NKD1: variants seen among roughly 807,000 people sequenced by gnomAD.
NKD1 encodes NKD inhibitor of Wnt signaling pathway 1.
Under a neutral mutation model 56.0 loss-of-function variants are expected in NKD1, and 21 were observed. The observed-to-expected ratio is 0.38, with a 90% CI of 0.27 to 0.54. NKD1 has a LOEUF of 0.54. NKD1 is among the 20% of genes least tolerant of loss of function. The pLI is 0.82. For missense variants in NKD1, 578 were observed against 642.7 expected, an observed-to-expected ratio of 0.90 and a Z score of 1.09; for synonymous variants, 263 against 265.7, an observed-to-expected ratio of 0.99 and a Z score of 0.10.
intron 3 of NKD1, chr16:50,555,273 C>G (rs965928140): frequency 1.0e-4 from 16 of 152,496 alleles, no homozygotes; most frequent in Admixed American, 1.0e-3. Flanking sequence ...CTCCAAATGG[C>G]TCTGCAGCCT....
Position 50,633,884 on chromosome 16 carries a change from AT to A in NKD1, c.*105del. On this transcript the variant is annotated 3_prime_UTR_variant, in exon 10 of 10. Transcript: ENST00000268459. The surrounding 1 kb of genome is among the most constrained non-coding windows in gnomAD (Gnocchi z 4.9). ...TATTGTTATTATGATGATTATTGTT[AT>A]TAATAATTATTGTTACTCCACTAAT... The A allele has an allele frequency of 1.7e-6, 1 of 587,884 alleles. No homozygotes were observed. The highest frequency in any genetic ancestry group is 2.9e-6 in the Non-Finnish European group (1 of 344,550). 36.4% of individuals were successfully genotyped at this position (587,884 alleles called of 1,614,324 possible).
chr16:50,610,707 C>T (rs187773681), intron 4 of NKD1, among the ~76,000 whole-genome samples: 85 of 152,302 alleles, frequency 5.6e-4, no homozygotes, highest in Admixed American at 2.5e-3. Flanking sequence ...TTTTAGCCAT[C>T]CCAGGAGAGG....
At chr16:50,605,718 A>T (rs1313737055) in intron 3 of NKD1, among the ~76,000 whole-genome samples, 1 of 152,226 alleles carries the variant, frequency 6.6e-6, no homozygotes, top group Non-Finnish European at 1.5e-5. Context: ...CATTTATATA[A>T]GGGACTTGAG....
At chr16:50,573,284 T>C (rs1230365221) in intron 3 of NKD1, among the ~76,000 whole-genome samples, 3 of 151,470 alleles carry the variant, frequency 2.0e-5, no homozygotes, top group Admixed American at 2.0e-4. Flanking sequence ...CTGCACCCTG[T>C]CTGGTCTCCA....
At position 50,642,549 on chromosome 16, in the gene NKD1, C is replaced by T; in HGVS notation, c.*8768C>T. On this transcript the variant is annotated 3_prime_UTR_variant, in exon 10 of 10. Transcript: ENST00000268459. The stretch of plus-strand genomic sequence containing the variant: ...CTGGGACAAGTGACTCACCTCTGTG[C>T]CTTGGTGTTTTTCTCTAACATGGGG... 1 of 152,406 alleles carries T rather than the reference C, an allele frequency of 6.6e-6. No individual in the cohort carries two copies. The allele number at this position is 152,406 out of a possible 1,614,324, so 9.4% of individuals were successfully genotyped here. A position where few individuals can be genotyped will look rare whatever the true frequency, so the allele number is the denominator to read the frequency against.
chr16:50,552,627 C>T (rs1222517806), intron 3 of NKD1: 1 of 152,250 alleles, frequency 6.6e-6, no homozygotes, highest in African/African-American at 2.4e-5. Context: ...TGATTTGTCA[C>T]CTGTGCAAAC....
intron 3 of NKD1, among the ~76,000 whole-genome samples, chr16:50,584,970 C>T (rs1243575026): frequency 4.6e-5 from 7 of 152,220 alleles, no homozygotes; most frequent in East Asian, 1.9e-4. Flanking sequence ...CACGGACCCC[C>T]GATTGAAGGC....
chr16:50,600,545 A>AAG (rs966213407), intron 3 of NKD1, among the ~76,000 whole-genome samples: 1 of 152,122 alleles, frequency 6.6e-6, no homozygotes. Flanking sequence ...CTAGGTTAAA[A>AAG]AGAGAGAGAG....
At chr16:50,561,286 G>T (rs1363296234) in intron 3 of NKD1, among the ~76,000 whole-genome samples, 1 of 152,034 alleles carries the variant, frequency 6.6e-6, no homozygotes, top group African/African-American at 2.4e-5. Context: ...GAGCCTGGGG[G>T]TGCCTCCAGC....
intron 4 of NKD1, among the ~76,000 whole-genome samples, chr16:50,615,303 G>T (rs1961936161): frequency 6.6e-6 from 1 of 152,226 alleles, no homozygotes; most frequent in South Asian, 2.1e-4. Flanking sequence ...TGCTGCTGAT[G>T]ATGCAGCACC....
At chr16:50,600,333 T>C (rs4785221) in intron 3 of NKD1, among the ~76,000 whole-genome samples, 22,846 of 151,692 alleles carry the variant, frequency 0.15, 3,892 homozygotes, top group African/African-American at 0.42. Flanking sequence ...ATTAGCTGGG[T>C]ACGGTGGCCT....
intron 3 of NKD1, among the ~76,000 whole-genome samples, chr16:50,605,237 C>T (rs764877712): frequency 5.3e-5 from 8 of 152,200 alleles, no homozygotes; most frequent in Admixed American, 1.3e-4. Context: ...GTCAGCACCT[C>T]GTACACTGTG....
rs936353867 is a variant in NKD1, at chr16:50,630,344, C to T, written c.610+11C>T. On this transcript the variant is annotated intron_variant, in intron 7 of 9. Coordinates refer to ENST00000268459, the MANE Select transcript of NKD1 (RefSeq NM_033119.5). ...TTGTCAATCAGGCTGGTGAGGGCTG[C>T]AGGGCTGAGCCTGGGAAACAATGTC... The T allele has an allele frequency of 6.2e-7, 1 of 1,613,474 alleles. No individual in the cohort carries two copies. Among genetic ancestry groups the T allele is most frequent in the Admixed American group, 1.7e-5 (1 of 59,996 alleles).
Position 50,632,452 on chromosome 16 carries a change from G to A in NKD1, c.823+44G>A, listed in dbSNP as rs369753169. 89 of 1,609,896 alleles carry A rather than the reference G, an allele frequency of 5.5e-5. 1 individual carries two copies. Among genetic ancestry groups the A allele is most frequent in the East Asian group, 5.4e-4 (24 of 44,842 alleles). On this transcript the variant is annotated intron_variant, in intron 9 of 9. Coordinates refer to ENST00000268459, the MANE Select transcript of NKD1 (RefSeq NM_033119.5). This position sits in a 1 kb window ranked among gnomAD's most constrained non-coding sequence, Gnocchi z 4.1. ...CTGCAATGGGCGATGAGGGCAGGGC[G>A]TGGCTGGACGGGCCAGGCGGGCCGT...
At chr16:50,588,183 A>G (rs911656314) in intron 3 of NKD1, among the ~76,000 whole-genome samples, 2 of 152,228 alleles carry the variant, frequency 1.3e-5, no homozygotes, top group Non-Finnish European at 2.9e-5. Flanking sequence ...TACACCCTTC[A>G]GTATTTTGTT....
At chr16:50,566,147 C>T (rs1960754178) in intron 3 of NKD1, 1 of 985,196 alleles carries the variant, frequency 1.0e-6, no homozygotes. Flanking sequence ...TAGGTGTGAA[C>T]TTTCTCTGTG....
At chr16:50,562,982 CACCA>C (rs1207012775) in intron 3 of NKD1, among the ~76,000 whole-genome samples, 69 of 116,362 alleles carry the variant, frequency 5.9e-4, no homozygotes, top group African/African-American at 2.4e-3. Flanking sequence ...TAGGTCCCAC[CACCA>C]CCCCCCCCCC....
intron 3 of NKD1, among the ~76,000 whole-genome samples, chr16:50,597,440 T>C (rs1961497907): frequency 1.3e-5 from 2 of 152,330 alleles, no homozygotes; most frequent in South Asian, 4.1e-4. Context: ...AAAGTTATTA[T>C]TATTTTTTTC....
chr16:50,601,535 TC>T (rs1438570592), intron 3 of NKD1, among the ~76,000 whole-genome samples: 2 of 152,178 alleles, frequency 1.3e-5, no homozygotes, highest in African/African-American at 4.8e-5. Context: ...CTGAGGCTGG[TC>T]CCAGTACTGG....
Sources: allele counts gnomAD v4.1 joint callset (sites outside exome capture counted in the v4.1 genomes callset), GRCh38; gene constraint gnomAD v4.1.1; non-coding constraint Gnocchi (gnomAD v3.1); transcripts MANE v1.5; gene names NCBI Gene and HGNC (gene_info 2026-07-23, HGNC 2026-07-21).